DGKZ: variants seen among roughly 807,000 people sequenced by gnomAD.
DGKZ encodes DAG kinase zeta.
DGKZ carries 45 observed loss-of-function variants against 142.5 expected under a neutral mutation model. That is an observed-to-expected ratio of 0.32 (90% CI 0.25 to 0.40). The LOEUF (loss-of-function observed/expected upper bound fraction) is 0.40, where lower values mean the gene tolerates loss of function less well. Among genes scored for constraint, DGKZ ranks in the 10% least tolerant of loss-of-function variants. DGKZ has a pLI of 1.00. For synonymous variants in DGKZ, 442 were observed against 527.0 expected, an observed-to-expected ratio of 0.84 and a Z score of 2.21; for missense variants, 755 against 1,306.5, an observed-to-expected ratio of 0.58 and a Z score of 6.51.
chr11:46,351,014 G>C (rs932965197), intron 1 of DGKZ, among the ~76,000 whole-genome samples: 1 of 151,934 alleles, frequency 6.6e-6, no homozygotes, highest in Non-Finnish European at 1.5e-5. Flanking sequence ...CTGATCCCAG[G>C]GTATTTAGTT....
Position 46,369,857 on chromosome 11 carries a change from C to G in DGKZ, c.502-84C>G. The G allele has an allele frequency of 2.8e-6, 4 of 1,453,178 alleles. No individual in the cohort carries two copies. In the Admixed American group the frequency reaches 6.7e-5, roughly 24 times the overall value. 90.0% of individuals were successfully genotyped at this position (1,453,178 alleles called of 1,614,324 possible). A position where few individuals can be genotyped will look rare whatever the true frequency, so the allele number is the denominator to read the frequency against. The stretch of plus-strand genomic sequence containing the variant: ...GACTGCAGAGCGCTTCCTGCAGCCC[C>G]GTGTGTTGAGCCGTGTGGGCAGTCC... On this transcript the variant is annotated intron_variant, in intron 5 of 30. Coordinates refer to ENST00000527911, the Ensembl canonical transcript of DGKZ.
intron 1 of DGKZ, among the ~76,000 whole-genome samples, chr11:46,354,562 A>G (rs1941783583): frequency 6.6e-6 from 1 of 152,196 alleles, no homozygotes; most frequent in East Asian, 1.9e-4. Flanking sequence ...GGCGTTAGAA[A>G]AGTGTGCAGA....
chr11:46,342,042 T>G (rs966260768), intron 1 of DGKZ, among the ~76,000 whole-genome samples: 6 of 152,166 alleles, frequency 3.9e-5, no homozygotes, highest in Non-Finnish European at 7.3e-5. Context: ...CTGGTACATT[T>G]CTTTTCCCCA....
chr11:46,351,514 G>T (rs1941378487), intron 1 of DGKZ, among the ~76,000 whole-genome samples: 1 of 152,204 alleles, frequency 6.6e-6, no homozygotes, highest in Non-Finnish European at 1.5e-5. Context: ...CCCTGTTTGA[G>T]TTGGTTCTGC....
At chr11:46,370,481 G>A (rs1166833892) in intron 6 of DGKZ, among the ~76,000 whole-genome samples, 1 of 152,230 alleles carries the variant, frequency 6.6e-6, no homozygotes, top group African/African-American at 2.4e-5. Flanking sequence ...CAAAGATGGA[G>A]AGGCTTGCTT....
intron 1 of DGKZ, among the ~76,000 whole-genome samples, chr11:46,337,287 CTTTTTTTTTTTTT>C (rs948859545): frequency 3.9e-4 from 34 of 86,300 alleles, no homozygotes; most frequent in Admixed American, 3.8e-3. Context: ...TAAATGGGTT[CTTTTTTTTTTTTT>C]TTTTTTTTTT....
chr11:46,342,559 T>A (rs770477380), upstream of DGKZ, among the ~76,000 whole-genome samples: 1 of 152,210 alleles, frequency 6.6e-6, no homozygotes, highest in Non-Finnish European at 1.5e-5. Context: ...TAGACCTTGG[T>A]CTGGTGGACA....
intron 1 of DGKZ, chr11:46,361,687 C>T (rs1238750290): frequency 5.1e-6 from 5 of 985,512 alleles, no homozygotes; most frequent in Admixed American, 6.1e-5. Context: ...CTCCCACCTG[C>T]GCCCTGCCTT....
At chr11:46,339,294 A>G (rs565175269) in intron 1 of DGKZ, among the ~76,000 whole-genome samples, 151 of 152,344 alleles carry the variant, frequency 9.9e-4, no homozygotes, top group Non-Finnish European at 1.7e-3. Flanking sequence ...CAACAGGATA[A>G]AGCAAGGAGC....
chr11:46,333,410 T>C, exon 1 of DGKZ: 2 of 1,513,220 alleles, frequency 1.3e-6, no homozygotes, highest in Non-Finnish European at 1.8e-6. Context: ...GGCCCGAGGG[T>C]TCCCGGGGCA....
chr11:46,360,239 G>A (rs1565028675), intron 1 of DGKZ, among the ~76,000 whole-genome samples: 1 of 152,138 alleles, frequency 6.6e-6, no homozygotes, highest in Non-Finnish European at 1.5e-5. Flanking sequence ...ATTTATAAAA[G>A]TGTTGTTTAT....
chr11:46,337,115 G>A (rs540725113), intron 1 of DGKZ, among the ~76,000 whole-genome samples: 94 of 152,058 alleles, frequency 6.2e-4, no homozygotes, highest in African/African-American at 2.2e-3. Flanking sequence ...GATCAGGGTT[G>A]GGCTCAAGAG....
Position 46,379,222 on chromosome 11 carries a change from T to TG in DGKZ, c.2560dup (p.Ala854GlyfsTer52). 2 of 1,613,154 alleles carry TG rather than the reference T, an allele frequency of 1.2e-6. No individual in the cohort carries two copies. The highest frequency in any genetic ancestry group is 1.7e-6 in the Non-Finnish European group (2 of 1,179,952). On this transcript the variant is annotated frameshift_variant, in exon 29 of 31. Transcript: ENST00000527911. LOFTEE classifies it high-confidence loss of function. ...CTCCAGCCCCCCCAGAGATCCTTGA[T>TG]GCGGTGGAGGAAAAGTAAGTATCTG... is the stretch of plus-strand genomic sequence containing the variant.
At chr11:46,348,681 A>T (rs1029166501) in intron 1 of DGKZ, among the ~76,000 whole-genome samples, 4 of 152,140 alleles carry the variant, frequency 2.6e-5, no homozygotes, top group African/African-American at 9.7e-5. Context: ...GGAAAGACTG[A>T]GTGCAGGCAG....
chr11:46,369,755 C>A, intron 5 of DGKZ, 186 bp from the exon 6 acceptor site: 1 of 882,296 alleles, frequency 1.1e-6, no homozygotes, highest in Non-Finnish European at 1.8e-6. Context: ...TGCTTCCCAG[C>A]CTTCTCTGTC....
At chr11:46,380,505 G>A (rs1239981105), downstream of DGKZ, 1 of 153,302 alleles carries the variant, frequency 6.5e-6, no homozygotes, top group Non-Finnish European at 1.5e-5. Context: ...CTCTCACGGT[G>A]ACATGTTTAC....
At chr11:46,379,773 C>G in intron 30 of DGKZ, 58 bp from the exon 31 acceptor site, 1 of 1,502,080 alleles carries the variant, frequency 6.7e-7, no homozygotes, top group Non-Finnish European at 9.0e-7. Flanking sequence ...GCCTCTCAGC[C>G]TGCTAGGGGT....
intron 22 of DGKZ, 32 bp downstream of exon 22, chr11:46,376,177 C>G: frequency 6.2e-7 from 1 of 1,610,110 alleles, no homozygotes. Context: ...AGGTGCCCAC[C>G]GAGAGGGTGG....
At chr11:46,342,523 G>A (rs972896310), upstream of DGKZ, among the ~76,000 whole-genome samples, 4 of 152,240 alleles carry the variant, frequency 2.6e-5, no homozygotes, top group Non-Finnish European at 5.9e-5. Flanking sequence ...GAGGAAGGCA[G>A]GGCCCTGCAC....
Sources: gnomAD v4.1 joint callset for allele counts (sites outside exome capture counted in the v4.1 genomes callset) on GRCh38, gnomAD v4.1.1 for gene constraint, MANE v1.5 for transcripts, NCBI Gene and HGNC (gene_info 2026-07-23, HGNC 2026-07-21) for gene names.